Variants in GOLGA4 observed in about 807,000 individuals in gnomAD.
GOLGA4 encodes golgin A4, also known as golgin subfamily A member 4.
GOLGA4 carries 169 observed loss-of-function variants against 265.9 expected under a neutral mutation model. The observed-to-expected ratio is 0.64, with a 90% CI of 0.56 to 0.72. The LOEUF is 0.72. GOLGA4 is among the 30% of genes least tolerant of loss of function. GOLGA4 has a pLI of 0.00. For synonymous variants in GOLGA4, 923 were observed against 855.8 expected, an observed-to-expected ratio of 1.08 and a Z score of -1.37; for missense variants, 2,482 against 2,483.4, an observed-to-expected ratio of 1.00 and a Z score of 0.01.
intron 20 of GOLGA4, among the ~76,000 whole-genome samples, chr3:37,343,035 G>A (rs1055952767): frequency 5.9e-5 from 9 of 152,208 alleles, no homozygotes; most frequent in African/African-American, 1.9e-4. Flanking sequence ...AACTAGCTGG[G>A]AGTACAGGGT....
At chr3:37,292,603 T>A (rs1346866163) in intron 5 of GOLGA4, among the ~76,000 whole-genome samples, 1 of 152,158 alleles carries the variant, frequency 6.6e-6, no homozygotes, top group Admixed American at 6.5e-5. Context: ...GGAGAATCAC[T>A]TGAACCCGGG....
In GOLGA4 at chr3:37,327,687, G is replaced by A. The variant is rs1349438027; in HGVS notation, c.5801G>A (p.Gly1934Glu). Residue 1934 changes from glycine to glutamate, a missense_variant, in exon 14 of 24, where the codon GGG becomes GAG. Transcript: ENST00000361924. ...QHNDLEFKLA[G>E]AEREKQKLGK... is the part of the protein sequence containing the mutation. ...AATGATCTGGAGTTTAAATTAGCCG[G>A]GGCAGAACGGGAGAAACAGAAACTG... 6.2e-7 allele frequency: 1 copy of A among 1,613,966 alleles called. No homozygotes were observed. The highest frequency in any genetic ancestry group is 1.1e-5 in the South Asian group (1 of 91,060).
chr3:37,314,642 AACACACACACACACACAC>A (rs60890140), intron 10 of GOLGA4, among the ~76,000 whole-genome samples: 29 of 139,054 alleles, frequency 2.1e-4, no homozygotes, highest in African/African-American at 6.2e-4. Context: ...CTCCGTCTCA[AACACACACACACACACAC>A]ACACACACAC....
rs2097013234 is a variant in GOLGA4 at position 37,336,503 on chromosome 3, G to A, written c.6307-640G>A. On this transcript the variant is annotated intron_variant, in intron 17 of 23. Transcript: ENST00000361924. ...TGGCCGGGAGAGGTAGCTCATGCCTGTAATCCCAGCACTTTGGGAGGCCGA... is the reference window on the plus strand; with the variant it reads ...TGGCCGGGAGAGGTAGCTCATGCCTATAATCCCAGCACTTTGGGAGGCCGA... Among the ~76,000 whole-genome samples the A allele has an allele frequency of 2.6e-5, 4 of 152,074 alleles. No individual in the cohort carries two copies. The East Asian group carries it at 7.7e-4, about 29-fold the overall frequency.
At chr3:37,257,913 A>G (rs1277437902) in intron 2 of GOLGA4, among the ~76,000 whole-genome samples, 6 of 121,642 alleles carry the variant, frequency 4.9e-5, no homozygotes, top group East Asian at 4.4e-4. Flanking sequence ...ATATATATAT[A>G]TGTATGTATA....
intron 1 of GOLGA4, among the ~76,000 whole-genome samples, chr3:37,247,780 C>A (rs948336660): frequency 2.0e-5 from 3 of 152,170 alleles, no homozygotes; most frequent in Non-Finnish European, 4.4e-5. Flanking sequence ...GAATTCAGTC[C>A]TTTCTGGTTA....
rs1267435289 is a variant in GOLGA4, at chr3:37,328,513, G to A, written c.6037G>A (p.Glu2013Lys). 11 of 1,612,366 alleles carry A rather than the reference G, an allele frequency of 6.8e-6. No individual in the cohort carries two copies. The highest frequency in any genetic ancestry group is 9.3e-6 in the Non-Finnish European group (11 of 1,179,046). The change falls in exon 15 of 24, where the codon GAA becomes AAA. Residue 2013 changes from glutamate to lysine, a missense_variant. Around this residue, in one of 3 missense-constraint regions of GOLGA4, gnomAD observed 942 missense variants for 983.1 expected, o/e 0.96. Coordinates refer to ENST00000361924, the MANE Select transcript of GOLGA4 (RefSeq NM_002078.5). ...TQLAQKEQEL[E>K]MTIKETINKA... ...GCTGGCACAAAAGGAACAAGAGCTG[G>A]AAATGACCATAAAAGAAACTATCAG...
intron 2 of GOLGA4, among the ~76,000 whole-genome samples, chr3:37,253,680 A>C (rs1198676896): frequency 1.3e-5 from 2 of 152,100 alleles, no homozygotes; most frequent in African/African-American, 4.8e-5. Flanking sequence ...ATATTCAATT[A>C]AATTATTTTA....
At chr3:37,250,983 C>CT (rs536524238) in intron 1 of GOLGA4, among the ~76,000 whole-genome samples, 285 of 147,888 alleles carry the variant, frequency 1.9e-3, no homozygotes, top group South Asian at 6.1e-3. Flanking sequence ...AATTGCCAGC[C>CT]TTTTTTTTTT....
intron 1 of GOLGA4, 175 bp downstream of exon 1, chr3:37,243,797 C>A (rs1455707292): frequency 1.7e-6 from 1 of 597,526 alleles, no homozygotes; most frequent in Non-Finnish European, 3.0e-6. Context: ...TCCGTAACTC[C>A]TGACCTGGAT....
intron 5 of GOLGA4, among the ~76,000 whole-genome samples, chr3:37,291,406 C>T (rs11720550): frequency 0.28 from 43,030 of 152,002 alleles, 7,630 homozygotes; most frequent in Non-Finnish European, 0.4. Context: ...ATGTGATTGC[C>T]GGCTGTTAGT....
intron 21 of GOLGA4, among the ~76,000 whole-genome samples, chr3:37,351,614 C>T (rs2097074754): frequency 6.6e-6 from 1 of 152,132 alleles, no homozygotes; most frequent in Non-Finnish European, 1.5e-5. Flanking sequence ...CTTCTTGATC[C>T]ATGGACTGCA....
chr3:37,263,699 A>C (rs1427781590), intron 2 of GOLGA4, among the ~76,000 whole-genome samples: 1 of 152,182 alleles, frequency 6.6e-6, no homozygotes, highest in Non-Finnish European at 1.5e-5. Context: ...TGATATACAC[A>C]CGCATATATA....
intron 2 of GOLGA4, among the ~76,000 whole-genome samples, chr3:37,252,332 T>G (rs1197051919): frequency 6.6e-6 from 1 of 151,944 alleles, no homozygotes. Flanking sequence ...TTTTTTTTTT[T>G]TTAATAGTTT....
intron 4 of GOLGA4, 148 bp downstream of exon 4, chr3:37,286,209 A>G (rs2096848810): frequency 4.5e-6 from 2 of 444,576 alleles, no homozygotes; most frequent in Non-Finnish European, 7.7e-6. Flanking sequence ...TGCGGACTGC[A>G]GTGGCGCAAT....
chr3:37,287,817 C>T (rs1355184824), intron 4 of GOLGA4, among the ~76,000 whole-genome samples: 1 of 152,134 alleles, frequency 6.6e-6, no homozygotes, highest in Non-Finnish European at 1.5e-5. Flanking sequence ...ACTTACAAGT[C>T]CCCACAATAC....
intron 16 of GOLGA4, among the ~76,000 whole-genome samples, chr3:37,334,324 A>G (rs1171260747): frequency 2.0e-5 from 3 of 152,226 alleles, no homozygotes; most frequent in African/African-American, 7.2e-5. Context: ...AGTTTGAGAC[A>G]AAGGAAGTCA....
rs1192916391 is a variant in GOLGA4 at position 37,275,945 on chromosome 3, GACCTTGACGAAAAGAAGAAAGA to G, written c.163-6008_163-5987del. 3.9e-5 allele frequency: 63 copies of G among 1,613,504 alleles called. No individual in the cohort carries two copies. In the Middle Eastern group the frequency reaches 2.2e-3, roughly 56 times the overall value. ...ATTAGATGGGCCATCAACTGAGAAA[GACCTTGACGAAAAGAAGAAAGA>G]ACCTGCAATTACATCGCAGAACAGC... is the stretch of plus-strand genomic sequence containing the variant. On this transcript the variant is annotated intron_variant, in intron 2 of 23. Coordinates refer to ENST00000361924, the MANE Select transcript of GOLGA4 (RefSeq NM_002078.5).
chr3:37,248,835 A>G (rs578230464), intron 1 of GOLGA4, among the ~76,000 whole-genome samples: 28 of 152,324 alleles, frequency 1.8e-4, no homozygotes, highest in African/African-American at 6.5e-4. Flanking sequence ...GCAGTGAGGT[A>G]TACTTTTTAA....
Sources: gnomAD v4.1 joint callset for allele counts (sites outside exome capture counted in the v4.1 genomes callset) on GRCh38, gnomAD v4.1.1 for gene constraint, gnomAD v4.1.1 regional missense constraint, MANE v1.5 for transcripts, NCBI Gene and HGNC (gene_info 2026-07-23, HGNC 2026-07-21) for gene names.